The following FGF13 variants were observed in gnomAD, a reference collection of about 807,000 sequenced individuals.
The protein encoded by FGF13 is fibroblast growth factor 13.
A neutral mutation model predicts 19.5 loss-of-function variants in FGF13; 2 were observed. The ratio of observed to expected loss-of-function variants is 0.10; its 90% CI spans 0.04 to 0.32. The LOEUF is 0.32. FGF13 is among the 10% of genes least tolerant of loss of function. The pLI is 1.00. For synonymous variants in FGF13, 72 were observed against 76.9 expected (o/e 0.94, Z 0.33); for missense variants, 113 against 192.7 (o/e 0.59, Z 2.45).
intron 3 of FGF13, among the ~76,000 whole-genome samples, chrX:138,778,595 T>G (rs1307108454): frequency 8.9e-6 from 1 of 112,021 alleles, no homozygotes; most frequent in Admixed American, 9.4e-5. Context: ...ACGCTAACAC[T>G]GCGCTTTTCC....
Position 138,615,345 on chromosome X carries a change from C to T in FGF13, c.*17505G>A, listed in dbSNP as rs1481011089. 1.8e-5 allele frequency: 2 copies of T among 112,322 alleles called. No homozygotes were observed. Among genetic ancestry groups the T allele is most frequent in the Non-Finnish European group, 3.8e-5 (2 of 53,251 alleles). 9.3% of individuals were successfully genotyped at this position (112,322 alleles called of 1,213,427 possible). A position where few individuals can be genotyped will look rare whatever the true frequency, so the allele number is the denominator to read the frequency against. ...AAAGGGCATATAGCACTTCCCTATA[C>T]TCTTTGCATCTTCCTTTGAATCTAT... is the stretch of plus-strand genomic sequence containing the variant. On this transcript the variant is annotated 3_prime_UTR_variant, in exon 5 of 5. Transcript: ENST00000315930.
At chrX:138,755,124 A>G (rs2090423743) in intron 3 of FGF13, among the ~76,000 whole-genome samples, 1 of 111,961 alleles carries the variant, frequency 8.9e-6, no homozygotes, top group South Asian at 3.7e-4. Flanking sequence ...TACACTCATC[A>G]CATTTCATGA....
At chrX:138,767,211 G>C (rs1431146410) in intron 3 of FGF13, among the ~76,000 whole-genome samples, 4 of 112,163 alleles carry the variant, frequency 3.6e-5, no homozygotes, top group Non-Finnish European at 7.5e-5. Context: ...CTTGGCCTCA[G>C]CAAGGCACTG....
intron 1 of FGF13, among the ~76,000 whole-genome samples, chrX:139,065,130 G>C (rs146695508): frequency 0.027 from 2,991 of 110,439 alleles, 103 homozygotes; most frequent in African/African-American, 0.093. Flanking sequence ...CAACAGGCCT[G>C]CCTTACAAGA....
chrX:139,139,875 C>T (rs2083829597), intron 1 of FGF13, among the ~76,000 whole-genome samples: 1 of 111,712 alleles, frequency 9.0e-6, no homozygotes, highest in African/African-American at 3.3e-5. Flanking sequence ...TTGCTATTGA[C>T]AATTACTATT....
In FGF13 at chrX:138,632,131, C is replaced by T. The variant is rs903440882; in HGVS notation, c.*719G>A. The T allele has an allele frequency of 4.6e-5, 5 of 107,981 alleles. No individual in the cohort carries two copies. The highest frequency in any genetic ancestry group is 2.0e-4 in the Admixed American group (2 of 9,937). The allele number at this position is 107,981 out of a possible 1,213,427, so 8.9% of individuals were successfully genotyped here. A position where few individuals can be genotyped will look rare whatever the true frequency, so the allele number is the denominator to read the frequency against. ...GGTTGACAATACAACTCAATTTCTACGCACAAAGTACAGCACAATAACTTG... is the reference window on the plus strand; with the variant it reads ...GGTTGACAATACAACTCAATTTCTATGCACAAAGTACAGCACAATAACTTG... On this transcript the variant is annotated 3_prime_UTR_variant, in exon 5 of 5. Coordinates refer to ENST00000315930, the MANE Select transcript of FGF13 (RefSeq NM_004114.5).
intron 1 of FGF13, among the ~76,000 whole-genome samples, chrX:138,927,090 C>T (rs962978595): frequency 1.8e-5 from 2 of 111,940 alleles, no homozygotes; most frequent in African/African-American, 6.5e-5. Context: ...TTGCACCAAC[C>T]GACCTAACGC....
chrX:139,018,636 C>T (rs2092163792), intron 1 of FGF13, among the ~76,000 whole-genome samples: 1 of 111,129 alleles, frequency 9.0e-6, no homozygotes, highest in South Asian at 3.8e-4. Flanking sequence ...AGACTCTGTC[C>T]AGGTCCAAGA....
chrX:138,921,394 T>C (rs1182228661), intron 1 of FGF13, among the ~76,000 whole-genome samples: 2 of 111,997 alleles, frequency 1.8e-5, no homozygotes, highest in African/African-American at 3.2e-5. Context: ...ATTTTTCAGG[T>C]TATTTGCATA....
chrX:138,942,865 GT>G (rs1053588118), intron 1 of FGF13, among the ~76,000 whole-genome samples: 1 of 111,256 alleles, frequency 9.0e-6, no homozygotes, highest in Non-Finnish European at 1.9e-5. Flanking sequence ...TTGTTTGTTT[GT>G]TTGTTTTGCC....
At chrX:138,984,588 A>AAGAAGAAGAAGGAGGAGG (rs2091982501) in intron 1 of FGF13, among the ~76,000 whole-genome samples, 3 of 11,511 alleles carry the variant, frequency 2.6e-4, no homozygotes, top group Non-Finnish European at 5.7e-4. Flanking sequence ...GAAGAAGAAG[A>AAGAAGAAGAAGGAGGAGG]AGGAGGAGGA....
intron 1 of FGF13, among the ~76,000 whole-genome samples, chrX:139,047,487 G>A (rs1000415223): frequency 9.1e-6 from 1 of 110,366 alleles, no homozygotes; most frequent in South Asian, 3.8e-4. Context: ...CCATGCTGGT[G>A]CGCTGCACCC....
At chrX:139,059,189 T>C (rs1289716759) in intron 1 of FGF13, among the ~76,000 whole-genome samples, 1 of 110,939 alleles carries the variant, frequency 9.0e-6, no homozygotes, top group African/African-American at 3.3e-5. Flanking sequence ...CTAAGAACTT[T>C]TTCTTTCAAA....
At chrX:138,923,648 A>G (rs966683896) in intron 1 of FGF13, among the ~76,000 whole-genome samples, 1 of 111,578 alleles carries the variant, frequency 9.0e-6, no homozygotes, top group African/African-American at 3.3e-5. Flanking sequence ...TTCTCCTGAA[A>G]AGTGCACATG....
chrX:138,972,056 TTGTGTGTG>T (rs370317832), intron 1 of FGF13, among the ~76,000 whole-genome samples: 3 of 94,965 alleles, frequency 3.2e-5, no homozygotes, highest in Non-Finnish European at 6.3e-5. Flanking sequence ...TAGTATTCTA[TTGTGTGTG>T]TGTGTGTGTG....
In FGF13 at chrX:138,811,091, C is replaced by T. The variant is rs1292626557; in HGVS notation, c.217+46421G>A. Reference sequence around the variant, plus strand: ...ACCATTTGACGCAGCCATCCCATTACTGGGTATATACTCAAAGGATTATAA... The same window carrying T: ...ACCATTTGACGCAGCCATCCCATTATTGGGTATATACTCAAAGGATTATAA... On this transcript the variant is annotated intron_variant, in intron 3 of 6. Coordinates refer to the FGF13 transcript ENST00000436198. 4.5e-5 allele frequency among the ~76,000 whole-genome samples: 5 copies of T among 112,099 alleles called. No individual in the cohort carries two copies. In the Admixed American group the frequency reaches 4.7e-4, roughly 11 times the overall value.
rs1229861861 is a variant in FGF13 at position 138,620,893 on chromosome X, C to T, written c.*11957G>A. ...AAACTGTAACAAGAGACAAAGAATG[C>T]CATTATATAAAAATAAATGAGTCAA... is the stretch of plus-strand genomic sequence containing the variant. On this transcript the variant is annotated 3_prime_UTR_variant, in exon 5 of 5. Coordinates refer to ENST00000315930, the MANE Select transcript of FGF13 (RefSeq NM_004114.5). The T allele has an allele frequency of 9.0e-6, 1 of 111,362 alleles. No homozygotes were observed. The highest frequency in any genetic ancestry group is 3.7e-4 in the South Asian group (1 of 2,704). 9.2% of individuals were successfully genotyped at this position (111,362 alleles called of 1,213,427 possible).
chrX:139,088,473 A>G (rs1418863451), intron 1 of FGF13, among the ~76,000 whole-genome samples: 2 of 109,771 alleles, frequency 1.8e-5, no homozygotes, highest in Non-Finnish European at 3.8e-5. Context: ...ATGCAAGGGA[A>G]CAAGAGTTTT....
chrX:138,838,048 C>A (rs930802005), intron 3 of FGF13, among the ~76,000 whole-genome samples: 4 of 112,188 alleles, frequency 3.6e-5, no homozygotes, highest in Non-Finnish European at 7.5e-5. Flanking sequence ...TTTAGACTCT[C>A]CAAAGCTTAC....
Sources: gnomAD v4.1 joint callset for allele counts (sites outside exome capture counted in the v4.1 genomes callset) on GRCh38, gnomAD v4.1.1 for gene constraint, MANE v1.5 for transcripts, NCBI Gene and HGNC (gene_info 2026-07-23, HGNC 2026-07-21) for gene names.